The following RORA variants were observed in gnomAD, a reference collection of about 807,000 sequenced individuals.
The protein encoded by RORA is nuclear receptor ROR-alpha.
In RORA, 7 loss-of-function variants were observed where a neutral mutation model predicts 69.5. The observed-to-expected ratio is 0.10, with a 90% CI of 0.06 to 0.19. The LOEUF is 0.19. Among genes scored for constraint, RORA ranks in the 10% least tolerant of loss-of-function variants. The probability of loss-of-function intolerance (pLI) is 1.00; values close to 1 mark genes in which losing one functional copy is unlikely to be tolerated. For missense variants in RORA, 457 were observed against 663.0 expected (o/e 0.69, Z 3.41); for synonymous variants, 261 against 240.8 (o/e 1.08, Z -0.78).
intron 5 of RORA, among the ~76,000 whole-genome samples, chr15:60,508,810 G>A (rs747373815): frequency 3.9e-5 from 6 of 152,116 alleles, no homozygotes; most frequent in East Asian, 1.9e-4. Context: ...TTTCTCCTGC[G>A]CAAAGCTTTA....
chr15:60,711,247 T>G (rs566508788), intron 1 of RORA, among the ~76,000 whole-genome samples: 1 of 152,172 alleles, frequency 6.6e-6, no homozygotes, highest in African/African-American at 2.4e-5. Context: ...TAGTCACTCA[T>G]GGACACTCTG....
At chr15:61,115,940 G>A (rs1302906874) in intron 1 of RORA, among the ~76,000 whole-genome samples, 1 of 152,184 alleles carries the variant, frequency 6.6e-6, no homozygotes, top group South Asian at 2.1e-4. Context: ...AAAAAAGTGA[G>A]CTGTGTCTAG....
intron 1 of RORA, among the ~76,000 whole-genome samples, chr15:61,215,440 A>G (rs1476703832): frequency 6.6e-6 from 1 of 152,248 alleles, no homozygotes; most frequent in Non-Finnish European, 1.5e-5. Flanking sequence ...GGGTTCTCAG[A>G]CATGGTAATA....
At chr15:61,028,386 C>T (rs1193823037) in intron 1 of RORA, among the ~76,000 whole-genome samples, 2 of 152,116 alleles carry the variant, frequency 1.3e-5, no homozygotes, top group African/African-American at 4.8e-5. Context: ...AGTAGACTGC[C>T]AGAAACAATC....
At chr15:60,677,917 T>G (rs1051028543) in intron 2 of RORA, among the ~76,000 whole-genome samples, 1 of 152,252 alleles carries the variant, frequency 6.6e-6, no homozygotes, top group Non-Finnish European at 1.5e-5. Context: ...AATAATATGC[T>G]GGTCAATTAC....
chr15:60,713,798 A>C (rs994942761), intron 1 of RORA, among the ~76,000 whole-genome samples: 1 of 152,206 alleles, frequency 6.6e-6, no homozygotes, highest in Admixed American at 6.5e-5. Flanking sequence ...TGAAGGGCTC[A>C]ATACATATAA....
At chr15:60,695,872 A>G (rs954077973) in intron 1 of RORA, among the ~76,000 whole-genome samples, 5 of 152,144 alleles carry the variant, frequency 3.3e-5, no homozygotes, top group African/African-American at 1.2e-4. Flanking sequence ...AATCAGAGTG[A>G]AGAGGACTCA....
rs1310788152 is a variant in RORA at position 60,492,909 on chromosome 15, T to C, written c.*4546A>G. On this transcript the variant is annotated 3_prime_UTR_variant, in exon 11 of 11. Transcript: ENST00000335670. ...CTTGTGCCTTGGAGGGATAGTATTA[T>C]TATCATTATTATTAATAATAAAAAA... 6.6e-6 allele frequency: 1 copy of C among 152,098 alleles called. No individual in the cohort carries two copies. Among genetic ancestry groups the C allele is most frequent in the African/African-American group, 2.4e-5 (1 of 41,410 alleles). The allele number at this position is 152,098 out of a possible 1,614,324, so 9.4% of individuals were successfully genotyped here.
chr15:61,202,817 C>G (rs4774392), intron 1 of RORA, among the ~76,000 whole-genome samples: 34,554 of 151,786 alleles, frequency 0.23, 4,188 homozygotes, highest in South Asian at 0.3. Flanking sequence ...ATATGAGAAG[C>G]TGAAATCCTA....
At chr15:60,548,225 G>GTTTT (rs2067130671) in intron 2 of RORA, among the ~76,000 whole-genome samples, 1 of 152,196 alleles carries the variant, frequency 6.6e-6, no homozygotes, top group African/African-American at 2.4e-5. Flanking sequence ...TGGTTTCACA[G>GTTTT]TAAAAGAAGA....
intron 2 of RORA, among the ~76,000 whole-genome samples, chr15:60,657,603 G>A (rs2070241518): frequency 1.3e-5 from 2 of 152,106 alleles, no homozygotes; most frequent in African/African-American, 4.8e-5. Context: ...TCTCCTCCTT[G>A]GGAGCCTGAA....
intron 2 of RORA, among the ~76,000 whole-genome samples, chr15:60,563,909 G>A (rs965745405): frequency 2.6e-5 from 4 of 152,146 alleles, no homozygotes; most frequent in African/African-American, 9.7e-5. Flanking sequence ...ATGGCATTCA[G>A]TGTTGTATGA....
intron 1 of RORA, among the ~76,000 whole-genome samples, chr15:60,727,207 G>C (rs1476856875): frequency 6.6e-6 from 1 of 151,892 alleles, no homozygotes; most frequent in African/African-American, 2.4e-5. Flanking sequence ...TTTGTTTTTT[G>C]GCAAGAATAG....
intron 1 of RORA, among the ~76,000 whole-genome samples, chr15:60,989,108 A>G (rs1307003297): frequency 6.6e-6 from 1 of 152,216 alleles, no homozygotes; most frequent in Admixed American, 6.5e-5. Flanking sequence ...AAAGTGCACA[A>G]TTCAGTGGTA....
rs1273525048 is a variant in RORA, at chr15:61,040,123, T to G, written c.166+188930A>C. Among the ~76,000 whole-genome samples, 143 of 73,262 alleles carry G rather than the reference T, an allele frequency of 2.0e-3. 1 individual carries two copies. The highest frequency in any genetic ancestry group is 6.6e-3 in the Middle Eastern group (1 of 152). 48.1% of individuals were successfully genotyped at this position (73,262 alleles called of 152,430 possible). A position where few individuals can be genotyped will look rare whatever the true frequency, so the allele number is the denominator to read the frequency against. ...ATGATCACAAGCTTTGATATATATA[T>G]ATATATATATATATATATATATATA... is the stretch of plus-strand genomic sequence containing the variant. On this transcript the variant is annotated intron_variant, in intron 1 of 10. Coordinates refer to ENST00000335670, the MANE Select transcript of RORA (RefSeq NM_134261.3).
At chr15:61,165,964 T>C (rs113678478) in intron 1 of RORA, among the ~76,000 whole-genome samples, 5 of 152,222 alleles carry the variant, frequency 3.3e-5, no homozygotes, top group Non-Finnish European at 7.3e-5. Flanking sequence ...CAAGGCCACA[T>C]AGACCTAAGT....
At chr15:61,172,389 A>G (rs1400374825) in intron 1 of RORA, among the ~76,000 whole-genome samples, 3 of 152,178 alleles carry the variant, frequency 2.0e-5, no homozygotes, top group East Asian at 1.9e-4. Flanking sequence ...TATAAATAGC[A>G]TATTTAAAGG....
intron 2 of RORA, among the ~76,000 whole-genome samples, chr15:60,623,189 G>T (rs1273945457): frequency 6.6e-6 from 1 of 152,154 alleles, no homozygotes; most frequent in Non-Finnish European, 1.5e-5. Flanking sequence ...CCCACCACAG[G>T]TGTGCTCTGC....
intron 1 of RORA, among the ~76,000 whole-genome samples, chr15:60,900,690 G>C (rs1189440472): frequency 6.6e-6 from 1 of 152,038 alleles, no homozygotes; most frequent in Non-Finnish European, 1.5e-5. Context: ...TGGCCAACAC[G>C]GTGAAACCCC....
Sources: allele counts gnomAD v4.1 joint callset (sites outside exome capture counted in the v4.1 genomes callset), GRCh38; gene constraint gnomAD v4.1.1; transcripts MANE v1.5; gene names NCBI Gene and HGNC (gene_info 2026-07-23, HGNC 2026-07-21).